SUPT3H: variants seen among roughly 807,000 people sequenced by gnomAD.
SUPT3H encodes transcription initiation protein SPT3 homolog.
SUPT3H carries 44 observed loss-of-function variants against 44.3 expected under a neutral mutation model. The ratio of observed to expected loss-of-function variants is 0.99; its 90% CI spans 0.78 to 1.28. The LOEUF (loss-of-function observed/expected upper bound fraction) is 1.28. Ranked by LOEUF, SUPT3H falls within the 50% of genes most tolerant of loss-of-function variation. The pLI is 0.00. For synonymous variants in SUPT3H, 124 were observed against 125.6 expected (o/e 0.99, Z 0.09); for missense variants, 380 against 387.1 (o/e 0.98, Z 0.15).
intron 2 of SUPT3H, among the ~76,000 whole-genome samples, chr6:45,107,285 G>T (rs970190798): frequency 1.3e-5 from 2 of 152,112 alleles, no homozygotes; most frequent in Non-Finnish European, 2.9e-5. Context: ...TATTCTGAAG[G>T]CATCTACCTA....
At chr6:45,279,472 G>C (rs577606180) in intron 2 of SUPT3H, among the ~76,000 whole-genome samples, 1 of 152,114 alleles carries the variant, frequency 6.6e-6, no homozygotes, top group Non-Finnish European at 1.5e-5. Flanking sequence ...GAGTGGCTTG[G>C]TGCTGTCCTC....
At chr6:45,018,303 T>C (rs961740821) in intron 4 of SUPT3H, among the ~76,000 whole-genome samples, 3 of 152,086 alleles carry the variant, frequency 2.0e-5, no homozygotes, top group African/African-American at 4.8e-5. Context: ...CAGGGACAAT[T>C]TGACTTCCTC....
In SUPT3H at chr6:45,017,627, C is replaced by G. The variant is rs1350669046; in HGVS notation, c.274-2736G>C. On this transcript the variant is annotated intron_variant, in intron 4 of 10. Coordinates refer to ENST00000371459, the MANE Select transcript of SUPT3H (RefSeq NM_003599.4). ...AATCCTTTCCCCATTGCTTGTTTTTCTCAGGTTTGTCAAAGACCAGATAGT... is the reference window on the plus strand; with the variant it reads ...AATCCTTTCCCCATTGCTTGTTTTTGTCAGGTTTGTCAAAGACCAGATAGT... Among the ~76,000 whole-genome samples the G allele has an allele frequency of 6.0e-5, 9 of 151,174 alleles. No homozygotes were observed. In the East Asian group the frequency reaches 1.2e-3, roughly 20 times the overall value.
At chr6:45,161,488 C>G (rs976427918) in intron 2 of SUPT3H, among the ~76,000 whole-genome samples, 11 of 152,194 alleles carry the variant, frequency 7.2e-5, no homozygotes, top group African/African-American at 2.7e-4. Flanking sequence ...TCTCTGAACT[C>G]TTATTGCATT....
chr6:44,842,212 C>G (rs1273421060), intron 10 of SUPT3H, among the ~76,000 whole-genome samples: 5 of 152,016 alleles, frequency 3.3e-5, no homozygotes, highest in Non-Finnish European at 5.9e-5. Context: ...ACATTTTTTT[C>G]TGTGTATATT....
chr6:45,112,455 T>C (rs2153574943), intron 2 of SUPT3H, among the ~76,000 whole-genome samples: 1 of 152,284 alleles, frequency 6.6e-6, no homozygotes, highest in Non-Finnish European at 1.5e-5. Context: ...GAATTTTACA[T>C]TATTCTTTTT....
chr6:45,278,054 C>T (rs975542545), intron 2 of SUPT3H, among the ~76,000 whole-genome samples: 3 of 147,446 alleles, frequency 2.0e-5, no homozygotes, highest in South Asian at 2.1e-4. Flanking sequence ...CATGTTCTCA[C>T]GCATAAGTGG....
intron 2 of SUPT3H, chr6:45,158,823 A>C (rs757744928): frequency 6.6e-6 from 1 of 152,154 alleles, no homozygotes; most frequent in Non-Finnish European, 1.5e-5. Context: ...GTAATGGGAA[A>C]ACAAGACACT....
chr6:44,844,184 A>G (rs1033022800), intron 10 of SUPT3H, among the ~76,000 whole-genome samples: 1 of 152,144 alleles, frequency 6.6e-6, no homozygotes, highest in Non-Finnish European at 1.5e-5. Flanking sequence ...GAACAATTGG[A>G]CATCCATATG....
chr6:44,913,729 C>CA (rs1767402478), intron 10 of SUPT3H, among the ~76,000 whole-genome samples: 1 of 152,186 alleles, frequency 6.6e-6, no homozygotes, highest in South Asian at 2.1e-4. Flanking sequence ...AACACACATT[C>CA]ATCTAACAAA....
intron 2 of SUPT3H, among the ~76,000 whole-genome samples, chr6:45,320,248 A>C (rs2150030832): frequency 6.6e-6 from 1 of 152,132 alleles, no homozygotes; most frequent in South Asian, 2.1e-4. Flanking sequence ...TGGACAAACC[A>C]CTATGGCAGC....
chr6:45,013,979 C>T (rs538518604), intron 5 of SUPT3H, among the ~76,000 whole-genome samples: 7 of 152,066 alleles, frequency 4.6e-5, no homozygotes, highest in East Asian at 1.9e-4. Flanking sequence ...GCTTGCTGTA[C>T]GTGCTTAGGA....
intron 11 of SUPT3H, among the ~76,000 whole-genome samples, chr6:44,818,740 C>G (rs1767073519): frequency 1.3e-5 from 2 of 152,014 alleles, no homozygotes; most frequent in Non-Finnish European, 2.9e-5. Flanking sequence ...GGTAAAGCCA[C>G]AATGAGATAT....
intron 3 of SUPT3H, among the ~76,000 whole-genome samples, chr6:45,093,954 G>A (rs542690942): frequency 6.6e-6 from 1 of 152,112 alleles, no homozygotes; most frequent in Non-Finnish European, 1.5e-5. Context: ...CAGCCACATA[G>A]CCATCAGAAA....
intron 6 of SUPT3H, among the ~76,000 whole-genome samples, chr6:44,963,523 C>T (rs1417898716): frequency 6.6e-6 from 1 of 151,988 alleles, no homozygotes; most frequent in African/African-American, 2.4e-5. Flanking sequence ...CACACAACCA[C>T]GTCTCCTTAA....
At chr6:45,262,874 A>T (rs977990029) in intron 2 of SUPT3H, among the ~76,000 whole-genome samples, 1 of 152,162 alleles carries the variant, frequency 6.6e-6, no homozygotes, top group South Asian at 2.1e-4. Context: ...ACAGCCAACA[A>T]ATATATGAGA....
intron 9 of SUPT3H, among the ~76,000 whole-genome samples, chr6:44,937,116 GA>G (rs1771566460): frequency 6.6e-6 from 1 of 152,124 alleles, no homozygotes; most frequent in African/African-American, 2.4e-5. Context: ...GTATCTTTTT[GA>G]TGTAATGATT....
intron 6 of SUPT3H, among the ~76,000 whole-genome samples, chr6:44,963,872 G>A (rs1776414586): frequency 1.3e-5 from 2 of 151,464 alleles, no homozygotes; most frequent in Admixed American, 6.6e-5. Context: ...GGTTGCATGC[G>A]GCTGTAGTCC....
chr6:45,313,554 A>G (rs1299447206), intron 2 of SUPT3H, among the ~76,000 whole-genome samples: 3 of 151,966 alleles, frequency 2.0e-5, no homozygotes, highest in African/African-American at 7.2e-5. Context: ...AGATGGATCA[A>G]TTCCTAGAAA....
Sources: allele counts gnomAD v4.1 joint callset (sites outside exome capture counted in the v4.1 genomes callset), GRCh38; gene constraint gnomAD v4.1.1; transcripts MANE v1.5; gene names NCBI Gene and HGNC (gene_info 2026-07-23, HGNC 2026-07-21).